Variants in UNC5B observed in about 807,000 individuals in gnomAD.
UNC5B encodes the protein unc-5 netrin receptor B.
UNC5B carries 56 observed loss-of-function variants against 103.7 expected under a neutral mutation model. The ratio of observed to expected loss-of-function variants is 0.54; its 90% CI spans 0.44 to 0.67. The LOEUF (loss-of-function observed/expected upper bound fraction) is 0.67, where lower values mean the gene tolerates loss of function less well. Ranked by LOEUF, UNC5B falls within the 30% of genes least tolerant of loss-of-function variation. UNC5B has a pLI of 0.00. For synonymous variants in UNC5B, 577 were observed against 542.0 expected (o/e 1.06, Z -0.90); for missense variants, 1,194 against 1,284.5 (o/e 0.93, Z 1.08).
In UNC5B at chr10:71,299,388, A is replaced by AG; in HGVS notation, c.*112dup. 6 of 1,393,406 alleles carry AG rather than the reference A, an allele frequency of 4.3e-6. No homozygotes were observed. The highest frequency in any genetic ancestry group is 5.9e-6 in the Non-Finnish European group (6 of 1,020,752). The allele number at this position is 1,393,406 out of a possible 1,614,324, so 86.3% of individuals were successfully genotyped here. A position where few individuals can be genotyped will look rare whatever the true frequency, so the allele number is the denominator to read the frequency against. On this transcript the variant is annotated 3_prime_UTR_variant, in exon 17 of 17. Transcript: ENST00000335350. The stretch of plus-strand genomic sequence containing the variant: ...CTCTGCTTCCTCCCAGTTCACAGCC[A>AG]GAGTTGCCTCTCCTCCTCCTCTTCC...
chr10:71,236,027 C>T (rs943279869), intron 1 of UNC5B, among the ~76,000 whole-genome samples: 2 of 152,252 alleles, frequency 1.3e-5, no homozygotes, highest in Non-Finnish European at 2.9e-5. Flanking sequence ...TCCTTTCCAT[C>T]TCTGGGTCTC....
At chr10:71,265,098 T>G (rs1844495337) in intron 1 of UNC5B, among the ~76,000 whole-genome samples, 1 of 151,992 alleles carries the variant, frequency 6.6e-6, no homozygotes, top group Non-Finnish European at 1.5e-5. Context: ...CTGGGGCTAA[T>G]GATAAGAATA....
At chr10:71,296,149 A>G (rs1445067541) in intron 14 of UNC5B, among the ~76,000 whole-genome samples, 189 bp downstream of exon 14, 1 of 152,080 alleles carries the variant, frequency 6.6e-6, no homozygotes, top group African/African-American at 2.4e-5. Flanking sequence ...CCCCAAATTC[A>G]GGGCAATGGG....
intron 1 of UNC5B, among the ~76,000 whole-genome samples, chr10:71,225,942 G>A (rs1843554130): frequency 6.6e-6 from 1 of 152,190 alleles, no homozygotes; most frequent in African/African-American, 2.4e-5. Context: ...TGCTGAGCCT[G>A]TGGTGGGTTG....
At chr10:71,235,117 T>C (rs1398261986) in intron 1 of UNC5B, among the ~76,000 whole-genome samples, 1 of 148,728 alleles carries the variant, frequency 6.7e-6, no homozygotes, top group African/African-American at 2.4e-5. Context: ...TGCCTCTGCC[T>C]CTGACAGACA....
chr10:71,221,510 C>T (rs1843452576), intron 1 of UNC5B, among the ~76,000 whole-genome samples: 1 of 152,230 alleles, frequency 6.6e-6, no homozygotes, highest in Admixed American at 6.5e-5. Context: ...CCAGCCCACC[C>T]TAAAACCTGA....
intron 1 of UNC5B, among the ~76,000 whole-genome samples, chr10:71,272,136 A>C (rs1844660811): frequency 6.6e-6 from 1 of 152,202 alleles, no homozygotes; most frequent in South Asian, 2.1e-4. Flanking sequence ...CACTGAGCAC[A>C]TCAGCCACGC....
chr10:71,256,561 G>A (rs921725609), intron 1 of UNC5B, among the ~76,000 whole-genome samples: 2 of 152,234 alleles, frequency 1.3e-5, no homozygotes, highest in Non-Finnish European at 1.5e-5. Context: ...AGGCAGAGGC[G>A]CTGAAGGCTC....
intron 15 of UNC5B, 124 bp from the exon 16 acceptor site, chr10:71,297,785 G>A: frequency 3.7e-6 from 4 of 1,088,318 alleles, no homozygotes; most frequent in Non-Finnish European, 3.9e-6. Flanking sequence ...CTGAACAGTG[G>A]GAGTCTGTCC....
intron 1 of UNC5B, among the ~76,000 whole-genome samples, chr10:71,236,680 C>T (rs1201803317): frequency 1.3e-5 from 2 of 152,252 alleles, no homozygotes; most frequent in African/African-American, 4.8e-5. Context: ...CCACTGGAGA[C>T]TCCCTGGCTC....
chr10:71,268,614 G>A (rs1844574600), intron 1 of UNC5B, among the ~76,000 whole-genome samples: 1 of 152,190 alleles, frequency 6.6e-6, no homozygotes, highest in Non-Finnish European at 1.5e-5. Flanking sequence ...TTTTCCACTT[G>A]GAAATGTGTT....
rs3740459 is a variant in UNC5B at position 71,300,308 on chromosome 10, C to T, written c.*1031C>T. 34,022 of 152,034 alleles carry T rather than the reference C, an allele frequency of 0.22. 5,354 individuals are homozygous for T. The highest frequency in any genetic ancestry group is 0.44 in the African/African-American group (18,342 of 41,376). The allele number at this position is 152,034 out of a possible 1,614,324, so 9.4% of individuals were successfully genotyped here. On this transcript the variant is annotated 3_prime_UTR_variant, in exon 17 of 17. Transcript: ENST00000335350. ...AGTGGGTGGGCCCTCCCTCCCACAG[C>T]CCCAGGGAGATACATCTGGACTCCT...
In UNC5B at chr10:71,263,863, G is replaced by A. The variant is rs112308108; in HGVS notation, c.80-15958G>A. Among the ~76,000 whole-genome samples, 560 of 152,276 alleles carry A rather than the reference G, an allele frequency of 3.7e-3. 11 individuals carry two copies. The highest frequency in any genetic ancestry group is 4.7e-3 in the Non-Finnish European group (320 of 68,020). ...TAAGGTACCAGGGGACAAACAGACA[G>A]ACAGGGAGGGAGTCTAGCTGCCCAA... is the stretch of plus-strand genomic sequence containing the variant. On this transcript the variant is annotated intron_variant, in intron 1 of 16. Coordinates refer to ENST00000335350, the MANE Select transcript of UNC5B (RefSeq NM_170744.5).
Position 71,300,483 on chromosome 10 carries a change from G to A in UNC5B, c.*1206G>A, listed in dbSNP as rs554331372. 6.6e-6 allele frequency: 1 copy of A among 152,394 alleles called. No homozygotes were observed. Among genetic ancestry groups the A allele is most frequent in the African/African-American group, 2.4e-5 (1 of 41,566 alleles). 9.4% of individuals were successfully genotyped at this position (152,394 alleles called of 1,614,324 possible). A position where few individuals can be genotyped will look rare whatever the true frequency, so the allele number is the denominator to read the frequency against. Reference sequence around the variant, plus strand: ...GGGACTCAAACAGAGAGATGAAGTAGGGGAGGGGAGTCCTCCACGGGCATC... The same window carrying A: ...GGGACTCAAACAGAGAGATGAAGTAAGGGAGGGGAGTCCTCCACGGGCATC... On this transcript the variant is annotated 3_prime_UTR_variant, in exon 17 of 17. Transcript: ENST00000335350.
chr10:71,254,579 G>C (rs1177304025), intron 1 of UNC5B, among the ~76,000 whole-genome samples: 2 of 152,216 alleles, frequency 1.3e-5, no homozygotes, highest in Non-Finnish European at 2.9e-5. Context: ...GAATGGAGAG[G>C]CTGGGTTGGG....
chr10:71,300,910 AG>A lies in UNC5B; in HGVS notation c.*1636del, dbSNP rs2132321932. On this transcript the variant is annotated 3_prime_UTR_variant, in exon 17 of 17. Coordinates refer to ENST00000335350, the MANE Select transcript of UNC5B (RefSeq NM_170744.5). ...TCTGAAATAACCTTTCCCAGTGGGC[AG>A]GGTTGCCAGGGTTGAGGGGACAGCA... is the stretch of plus-strand genomic sequence containing the variant. 6.6e-6 allele frequency: 1 copy of A among 152,670 alleles called. No homozygotes were observed. Among genetic ancestry groups the A allele is most frequent in the African/African-American group, 2.4e-5 (1 of 41,552 alleles). 9.5% of individuals were successfully genotyped at this position (152,670 alleles called of 1,614,324 possible). A position where few individuals can be genotyped will look rare whatever the true frequency, so the allele number is the denominator to read the frequency against.
chr10:71,290,614 C>T (rs544919015), intron 8 of UNC5B, among the ~76,000 whole-genome samples: 1 of 152,362 alleles, frequency 6.6e-6, no homozygotes, highest in East Asian at 1.9e-4. Context: ...TGACTCTGAG[C>T]CACAGACCCT....
At chr10:71,240,116 A>T (rs1030888195) in intron 1 of UNC5B, among the ~76,000 whole-genome samples, 1 of 151,362 alleles carries the variant, frequency 6.6e-6, no homozygotes, top group African/African-American at 2.4e-5. Flanking sequence ...TCTCCACCTC[A>T]GAAGCCCTGC....
chr10:71,228,749 G>A (rs771494202), intron 1 of UNC5B, among the ~76,000 whole-genome samples: 8 of 152,354 alleles, frequency 5.3e-5, no homozygotes, highest in Admixed American at 6.5e-5. Flanking sequence ...GGGCACCCAC[G>A]GGGCCTCCTC....
Sources: gnomAD v4.1 joint callset for allele counts (sites outside exome capture counted in the v4.1 genomes callset) on GRCh38, gnomAD v4.1.1 for gene constraint, MANE v1.5 for transcripts, NCBI Gene and HGNC (gene_info 2026-07-23, HGNC 2026-07-21) for gene names.